KSR2: variants seen among roughly 807,000 people sequenced by gnomAD.
KSR2 encodes kinase suppressor of ras 2.
In KSR2, 25 loss-of-function variants were observed where a neutral mutation model predicts 107.8. That is an observed-to-expected ratio of 0.23 (90% CI 0.17 to 0.32). KSR2 has a LOEUF of 0.32. KSR2 is among the 10% of genes least tolerant of loss of function. The pLI is 1.00. For synonymous variants in KSR2, 480 were observed against 507.0 expected, an observed-to-expected ratio of 0.95 and a Z score of 0.71; for missense variants, 887 against 1,268.9, an observed-to-expected ratio of 0.70 and a Z score of 4.57.
Position 117,471,177 on chromosome 12 carries a change from A to G in KSR2, c.2712+14T>C. The G allele has an allele frequency of 6.2e-7, 1 of 1,613,526 alleles. No individual in the cohort carries two copies. Among genetic ancestry groups the G allele is most frequent in the Non-Finnish European group, 8.5e-7 (1 of 1,179,594 alleles). ...CCCCTCATCCCCCAAGTCTGGACCT[A>G]TCTTGGGACTTACCGAGATTTCTTT... On this transcript the variant is annotated intron_variant, in intron 18 of 19. Coordinates refer to ENST00000339824, the MANE Select transcript of KSR2 (RefSeq NM_173598.6).
rs1870989653 is a variant in KSR2 at position 117,463,235 on chromosome 12, T to A, written c.*3964A>T. 1 of 152,256 alleles carries A rather than the reference T, an allele frequency of 6.6e-6. No individual in the cohort carries two copies. Among genetic ancestry groups the A allele is most frequent in the African/African-American group, 2.4e-5 (1 of 41,464 alleles). 9.4% of individuals were successfully genotyped at this position (152,256 alleles called of 1,614,324 possible). A position where few individuals can be genotyped will look rare whatever the true frequency, so the allele number is the denominator to read the frequency against. On this transcript the variant is annotated 3_prime_UTR_variant, in exon 20 of 20. Transcript: ENST00000339824. Reference sequence around the variant, plus strand: ...TATCCAAGGACAGGGAGTTCTCTACTTCCGGAGGCAGCCCGCTGCATCTTG... The same window carrying A: ...TATCCAAGGACAGGGAGTTCTCTACATCCGGAGGCAGCCCGCTGCATCTTG...
chr12:117,824,453 G>A (rs1271908136), intron 3 of KSR2, among the ~76,000 whole-genome samples: 1 of 152,116 alleles, frequency 6.6e-6, no homozygotes, highest in Non-Finnish European at 1.5e-5. Context: ...TATTTAAGGT[G>A]ATGGATATTC....
intron 14 of KSR2, 66 bp downstream of exon 14, chr12:117,524,786 C>T: frequency 8.5e-6 from 13 of 1,529,574 alleles, no homozygotes; most frequent in Non-Finnish European, 1.1e-5. Flanking sequence ...AGCAGAAAAC[C>T]ATTTCTCAAC....
chr12:117,683,740 C>G (rs910530321), intron 4 of KSR2, among the ~76,000 whole-genome samples: 1 of 152,140 alleles, frequency 6.6e-6, no homozygotes, highest in Non-Finnish European at 1.5e-5. Flanking sequence ...CACTTCAGGT[C>G]TAGGGCAAGA....
At chr12:117,964,664 A>G (rs1896742302) in intron 1 of KSR2, among the ~76,000 whole-genome samples, 1 of 152,204 alleles carries the variant, frequency 6.6e-6, no homozygotes. Flanking sequence ...TGTTCCAGAT[A>G]GTGCTAGACC....
chr12:117,545,400 C>G (rs1876782535), intron 9 of KSR2, among the ~76,000 whole-genome samples: 2 of 152,064 alleles, frequency 1.3e-5, no homozygotes, highest in Admixed American at 1.3e-4. Flanking sequence ...TGGTAGTATT[C>G]TCTGGTGACA....
chr12:117,962,267 T>C (rs1189746753), intron 1 of KSR2, among the ~76,000 whole-genome samples: 1 of 151,494 alleles, frequency 6.6e-6, no homozygotes, highest in Non-Finnish European at 1.5e-5. Flanking sequence ...AGAATCCAGC[T>C]CAAAACTACC....
intron 1 of KSR2, among the ~76,000 whole-genome samples, chr12:117,954,103 T>C (rs1379995287): frequency 2.0e-5 from 3 of 150,392 alleles, no homozygotes; most frequent in Non-Finnish European, 2.9e-5. Flanking sequence ...AAAAAAAAAG[T>C]TAAAATGGTA....
rs1014575443 is a variant in KSR2 at position 117,732,887 on chromosome 12, G to A, written c.986+28124C>T. On this transcript the variant is annotated intron_variant, in intron 4 of 19. Coordinates refer to ENST00000339824, the MANE Select transcript of KSR2 (RefSeq NM_173598.6). ...AGGCCAGGAGGCCATGAGAGGAGATGCATGCAGAGCAGTGCCCCGCCCTGC... is the reference window on the plus strand; with the variant it reads ...AGGCCAGGAGGCCATGAGAGGAGATACATGCAGAGCAGTGCCCCGCCCTGC... Among the ~76,000 whole-genome samples the A allele has an allele frequency of 2.6e-5, 4 of 152,254 alleles. No homozygotes were observed. The East Asian group carries it at 7.8e-4, about 30-fold the overall frequency.
At chr12:117,922,457 C>T (rs151209826) in intron 1 of KSR2, among the ~76,000 whole-genome samples, 6 of 152,100 alleles carry the variant, frequency 3.9e-5, no homozygotes, top group African/African-American at 1.2e-4. Flanking sequence ...AAATCTGGGT[C>T]GATCACATGG....
chr12:117,651,397 C>T (rs763977613), intron 5 of KSR2, among the ~76,000 whole-genome samples: 1 of 152,148 alleles, frequency 6.6e-6, no homozygotes, highest in Non-Finnish European at 1.5e-5. Context: ...GTGCACTACA[C>T]TCTAAAAGAA....
chr12:117,588,713 C>T (rs545463773), intron 5 of KSR2, among the ~76,000 whole-genome samples: 5 of 152,308 alleles, frequency 3.3e-5, no homozygotes, highest in African/African-American at 9.6e-5. Flanking sequence ...AGAAAGTACA[C>T]ATTATAACTG....
At chr12:117,755,917 G>A (rs979254431) in intron 4 of KSR2, among the ~76,000 whole-genome samples, 1 of 152,180 alleles carries the variant, frequency 6.6e-6, no homozygotes, top group Admixed American at 6.5e-5. Context: ...AGTTTTAGTG[G>A]TCTGGATGGA....
At chr12:117,915,127 C>T (rs1376216159) in intron 1 of KSR2, among the ~76,000 whole-genome samples, 1 of 152,204 alleles carries the variant, frequency 6.6e-6, no homozygotes, top group Non-Finnish European at 1.5e-5. Context: ...AGCCCCAAGA[C>T]ACTTATTATC....
chr12:117,865,480 G>A (rs1893438656), intron 1 of KSR2, among the ~76,000 whole-genome samples: 1 of 152,044 alleles, frequency 6.6e-6, no homozygotes. Context: ...TAAGGATCTG[G>A]TCCCTTTAAA....
At chr12:117,906,088 C>T (rs1894834365) in intron 1 of KSR2, among the ~76,000 whole-genome samples, 3 of 152,124 alleles carry the variant, frequency 2.0e-5, no homozygotes, top group Admixed American at 1.3e-4. Flanking sequence ...CAGTGGCTCA[C>T]ACCTGTAATC....
chr12:117,605,867 G>A (rs1342873649), intron 5 of KSR2, among the ~76,000 whole-genome samples: 4 of 152,114 alleles, frequency 2.6e-5, no homozygotes, highest in South Asian at 2.1e-4. Flanking sequence ...GCAAACTAAC[G>A]CAGGAAGAGA....
At chr12:117,843,845 TG>T (rs535827081) in intron 3 of KSR2, among the ~76,000 whole-genome samples, 7 of 152,110 alleles carry the variant, frequency 4.6e-5, no homozygotes, top group Admixed American at 1.3e-4. Context: ...CTGGACGTAT[TG>T]GCTGCCAGAT....
intron 14 of KSR2, among the ~76,000 whole-genome samples, chr12:117,521,815 G>A (rs374606459): frequency 8.5e-5 from 13 of 152,288 alleles, no homozygotes; most frequent in East Asian, 3.9e-4. Context: ...CCAGCCAATC[G>A]TGCGAATGCA....
Sources: gnomAD v4.1 joint callset for allele counts (sites outside exome capture counted in the v4.1 genomes callset) on GRCh38, gnomAD v4.1.1 for gene constraint, MANE v1.5 for transcripts, NCBI Gene and HGNC (gene_info 2026-07-23, HGNC 2026-07-21) for gene names.